SLC36A1: variants seen among roughly 807,000 people sequenced by gnomAD.
The protein encoded by SLC36A1 is proton-coupled amino acid transporter 1.
Under a neutral mutation model 47.5 loss-of-function variants are expected in SLC36A1, and 30 were observed. The observed-to-expected ratio is 0.63, with a 90% CI of 0.47 to 0.86. SLC36A1 has a LOEUF of 0.86. Among genes scored for constraint, SLC36A1 ranks in the 40% least tolerant of loss-of-function variants. The pLI is 0.00. For missense variants in SLC36A1, 517 were observed against 606.0 expected, an observed-to-expected ratio of 0.85 and a Z score of 1.54; for synonymous variants, 255 against 249.7, an observed-to-expected ratio of 1.02 and a Z score of -0.20.
the SLC36A1 span, chr5:151,532,112 G>A: frequency 9.3e-7 from 1 of 1,080,150 alleles, no homozygotes; most frequent in Middle Eastern, 3.0e-4. Context: ...GAAGAGTGAG[G>A]GTCTCTCCAG....
At chr5:151,430,331 A>ATTTTTTTTTT in the SLC36A1 span, among the ~76,000 whole-genome samples, 223 of 117,496 alleles carry the variant, frequency 1.9e-3, 12 homozygotes, top group African/African-American at 6.6e-3. Flanking sequence ...CACCTGGCTA[A>ATTTTTTTTTT]TTTTTTTTTT....
rs746326879 is a variant in SLC36A1 at position 151,488,194 on chromosome 5, T to C, written c.1371T>C (p.Tyr457=). 5.6e-6 allele frequency: 9 copies of C among 1,614,084 alleles called. No homozygotes were observed. Among genetic ancestry groups the C allele is most frequent in the Non-Finnish European group, 7.6e-6 (9 of 1,180,046 alleles). ...TGGTGGGGACCTATGAGGCTCTCTA[T>C]GAGCTGATCCAGCCAAGCAATGCTC... ...GFVVGTYEAL[Y]ELIQPSNAPI... Residue 457 remains tyrosine, a synonymous_variant, in exon 11 of 11, where the codon TAT becomes TAC. Coordinates refer to ENST00000243389, the MANE Select transcript of SLC36A1 (RefSeq NM_078483.4).
chr5:151,512,458 A>G, the SLC36A1 span: 1 of 1,614,246 alleles, frequency 6.2e-7, no homozygotes, highest in Admixed American at 1.7e-5. This position sits in a 1 kb window ranked among gnomAD's most constrained non-coding sequence, Gnocchi z 4.1. Flanking sequence ...GGTGTTGCCC[A>G]TGCTGTCAAC....
intron 7 of SLC36A1, among the ~76,000 whole-genome samples, chr5:151,468,251 CAAAAAAAA>C (rs1214176868): frequency 6.4e-5 from 2 of 31,314 alleles, no homozygotes; most frequent in Admixed American, 7.3e-4. Context: ...GACTCTGTCT[CAAAAAAAA>C]AAAAAAAATA....
the SLC36A1 span, among the ~76,000 whole-genome samples, chr5:151,369,102 C>A: frequency 6.6e-6 from 1 of 152,182 alleles, no homozygotes; most frequent in African/African-American, 2.4e-5. Flanking sequence ...TGGCAAAGAT[C>A]TCCATAAACA....
chr5:151,458,721 G>A (rs996079377), intron 1 of SLC36A1, 67 bp from the exon 2 acceptor site: 5 of 1,549,596 alleles, frequency 3.2e-6, no homozygotes, highest in African/African-American at 2.7e-5. Context: ...TACCCCAGAG[G>A]CCACCCCAAA....
the SLC36A1 span, among the ~76,000 whole-genome samples, chr5:151,349,065 C>T: frequency 2.0e-5 from 3 of 152,150 alleles, no homozygotes; most frequent in South Asian, 6.2e-4. Context: ...GTGACCTGCT[C>T]GTTTACAGCC....
the SLC36A1 span, among the ~76,000 whole-genome samples, chr5:151,363,323 T>G: frequency 2.0e-5 from 3 of 152,148 alleles, no homozygotes; most frequent in African/African-American, 7.2e-5. Context: ...TGACATCTCC[T>G]TTGTCTGAGT....
chr5:151,413,488 G>A, the SLC36A1 span, among the ~76,000 whole-genome samples: 1 of 152,064 alleles, frequency 6.6e-6, no homozygotes, highest in Non-Finnish European at 1.5e-5. Flanking sequence ...ATCATAGTCT[G>A]AAAAATTATT....
In SLC36A1 at chr5:151,488,300, C is replaced by G; in HGVS notation, c.*46C>G. ...AGCTGCCTACCCCTGCCCCATGTGT[C>G]CCCCGTTACCTGTCCTCAGAGCCTC... On this transcript the variant is annotated 3_prime_UTR_variant, in exon 11 of 11. Transcript: ENST00000243389. 1 of 1,592,928 alleles carries G rather than the reference C, an allele frequency of 6.3e-7. No homozygotes were observed. The highest frequency in any genetic ancestry group is 8.6e-7 in the Non-Finnish European group (1 of 1,167,858).
At chr5:151,445,948 G>GTT (rs1229767282), upstream of SLC36A1, among the ~76,000 whole-genome samples, 1 of 148,460 alleles carries the variant, frequency 6.7e-6, no homozygotes, top group Admixed American at 6.7e-5. Context: ...GATTTTGTCT[G>GTT]TTTTTTTTTC....
At chr5:151,485,705 A>C (rs902424552) in intron 10 of SLC36A1, among the ~76,000 whole-genome samples, 2 of 152,180 alleles carry the variant, frequency 1.3e-5, no homozygotes, top group Admixed American at 6.5e-5. Context: ...GTGGAGTTAC[A>C]TACCTGTGAA....
At chr5:151,448,557 G>T (rs756440570) in intron 1 of SLC36A1, among the ~76,000 whole-genome samples, 1 of 152,180 alleles carries the variant, frequency 6.6e-6, no homozygotes, top group Non-Finnish European at 1.5e-5. Context: ...TATGAAATAT[G>T]AATCGGAATG....
the SLC36A1 span, chr5:151,505,505 GAAGA>G: frequency 3.7e-6 from 6 of 1,600,182 alleles, no homozygotes; most frequent in Non-Finnish European, 5.1e-6. Context: ...TACGAGACAG[GAAGA>G]AATAAGCCAA....
chr5:151,376,821 TG>T, the SLC36A1 span, among the ~76,000 whole-genome samples: 9 of 152,000 alleles, frequency 5.9e-5, no homozygotes, highest in Non-Finnish European at 1.2e-4. Flanking sequence ...TTAGTAAAGA[TG>T]GGGTTTCATC....
the SLC36A1 span, among the ~76,000 whole-genome samples, chr5:151,348,453 C>G: frequency 2.0e-5 from 3 of 152,350 alleles, no homozygotes; most frequent in African/African-American, 7.2e-5. Context: ...CCTCCATCAT[C>G]TCATCCCCAA....
At chr5:151,459,011 C>T (rs1356053942) in intron 2 of SLC36A1, 76 bp downstream of exon 2, 3 of 1,464,026 alleles carry the variant, frequency 2.0e-6, no homozygotes, top group South Asian at 1.3e-5. Flanking sequence ...TTTTTCCCCC[C>T]AATTTCATCA....
At chr5:151,539,249 A>G in the SLC36A1 span, among the ~76,000 whole-genome samples, 5 of 152,210 alleles carry the variant, frequency 3.3e-5, no homozygotes, top group Non-Finnish European at 1.5e-5. Context: ...CTCTTTTTCT[A>G]CAGTGCTTTT....
upstream of SLC36A1, among the ~76,000 whole-genome samples, chr5:151,443,708 G>T (rs2127442539): frequency 6.6e-6 from 1 of 152,240 alleles, no homozygotes; most frequent in Admixed American, 6.5e-5. Flanking sequence ...TGTAATCTGA[G>T]CTTTTGGTCT....
Sources: allele counts gnomAD v4.1 joint callset (sites outside exome capture counted in the v4.1 genomes callset), GRCh38; gene constraint gnomAD v4.1.1; non-coding constraint Gnocchi (gnomAD v3.1); transcripts MANE v1.5; gene names NCBI Gene and HGNC (gene_info 2026-07-23, HGNC 2026-07-21).